The following C6 variants were observed in gnomAD, a reference collection of about 807,000 sequenced individuals.
The protein encoded by C6 is complement C6.
In C6, 101 loss-of-function variants were observed where a neutral mutation model predicts 112.9. That is an observed-to-expected ratio of 0.89 (90% CI 0.76 to 1.06). C6 has a LOEUF of 1.06. Ranked by LOEUF, C6 falls within the 50% of genes least tolerant of loss-of-function variation. The pLI is 0.00. For synonymous variants in C6, 431 were observed against 384.1 expected (o/e 1.12, Z -1.43); for missense variants, 1,202 against 1,104.6 (o/e 1.09, Z -1.25).
At chr5:41,175,285 T>C (rs1748744566) in intron 8 of C6, among the ~76,000 whole-genome samples, 1 of 152,212 alleles carries the variant, frequency 6.6e-6, no homozygotes, top group Admixed American at 6.5e-5. Context: ...AGAATACATC[T>C]TACTGAATAT....
At chr5:41,149,118 AT>A (rs933391512) in intron 17 of C6, 122 bp downstream of exon 17, 64 of 1,265,222 alleles carry the variant, frequency 5.1e-5, no homozygotes, top group South Asian at 7.4e-5. Flanking sequence ...CATTTTATGA[AT>A]TTTTTTTACA....
intron 1 of C6, among the ~76,000 whole-genome samples, chr5:41,223,650 T>C (rs928506827): frequency 1.3e-5 from 2 of 152,208 alleles, no homozygotes; most frequent in Non-Finnish European, 2.9e-5. Flanking sequence ...CTTAGATGTA[T>C]GAAAGATAGC....
chr5:41,178,926 T>A (rs1749092313), intron 7 of C6, among the ~76,000 whole-genome samples: 1 of 152,112 alleles, frequency 6.6e-6, no homozygotes, highest in Non-Finnish European at 1.5e-5. Context: ...CGATCTCCGC[T>A]CACTGCAACC....
At chr5:41,156,914 A>C (rs1746966311) in intron 13 of C6, among the ~76,000 whole-genome samples, 1 of 152,188 alleles carries the variant, frequency 6.6e-6, no homozygotes, top group African/African-American at 2.4e-5. Flanking sequence ...AAGTACATCT[A>C]GTAGACTGAC....
chr5:41,199,729 T>C, intron 4 of C6, 39 bp downstream of exon 4: 1 of 1,604,434 alleles, frequency 6.2e-7, no homozygotes, highest in Non-Finnish European at 8.5e-7. Flanking sequence ...AGTCAAGCTA[T>C]TTTTAGTGGG....
intron 1 of C6, among the ~76,000 whole-genome samples, chr5:41,256,429 TA>T (rs893902006): frequency 1.0e-4 from 14 of 135,808 alleles, no homozygotes; most frequent in East Asian, 8.4e-4. Context: ...AAAGTATAAT[TA>T]AAAAAAAAAA....
In C6 at chr5:41,233,347, TATTGTTACC is replaced by T. The variant is rs1740027340; in HGVS notation, c.-21+27838_-21+27846del. Among the ~76,000 whole-genome samples, 3 of 152,114 alleles carry T rather than the reference TATTGTTACC, an allele frequency of 2.0e-5. No homozygotes were observed. The South Asian group carries it at 6.2e-4, about 32-fold the overall frequency. ...ATGGATAAACAATAATGTCTTAAAC[TATTGTTACC>T]ATTGTTTCTTGATGGATATTCTACA... On this transcript the variant is annotated intron_variant, in intron 1 of 17. Coordinates refer to the C6 transcript ENST00000263413.
chr5:41,193,180 A>G (rs1750351594), intron 5 of C6, among the ~76,000 whole-genome samples: 1 of 152,190 alleles, frequency 6.6e-6, no homozygotes, highest in Admixed American at 6.5e-5. Context: ...CTATGTACTT[A>G]TGTTTGTCAC....
At chr5:41,207,968 A>C (rs1751573457) in intron 1 of C6, among the ~76,000 whole-genome samples, 1 of 152,200 alleles carries the variant, frequency 6.6e-6, no homozygotes, top group Non-Finnish European at 1.5e-5. Flanking sequence ...AATTGACCAC[A>C]GAGTTGGAAG....
chr5:41,234,117 G>A (rs1018972259), intron 1 of C6, among the ~76,000 whole-genome samples: 2 of 151,992 alleles, frequency 1.3e-5, no homozygotes, highest in African/African-American at 4.8e-5. Context: ...ATTACCTACA[G>A]AATTCTTTCC....
chr5:41,224,801 C>T (rs1359894468), intron 1 of C6, among the ~76,000 whole-genome samples: 4 of 152,066 alleles, frequency 2.6e-5, no homozygotes, highest in Non-Finnish European at 5.9e-5. Flanking sequence ...GTAGCTCTAT[C>T]TTTAACATTT....
At chr5:41,253,761 TAAAG>T (rs1206686093) in intron 1 of C6, among the ~76,000 whole-genome samples, 1 of 152,200 alleles carries the variant, frequency 6.6e-6, no homozygotes, top group Non-Finnish European at 1.5e-5. Context: ...ACATCAACAA[TAAAG>T]AAAGTGTTTT....
In C6 at chr5:41,159,174, T is replaced by G. The variant is rs747031933; in HGVS notation, c.1764A>C (p.Glu588Asp). 6.2e-7 allele frequency: 1 copy of G among 1,613,658 alleles called. No homozygotes were observed. The highest frequency in any genetic ancestry group is 8.5e-7 in the Non-Finnish European group (1 of 1,179,742). ...CTCGTTGGGGGGCAGGATTATTGCA[T>G]TCTCGGGTTCTCGATCTCTTATAAG... ...DATYKRSRTRECNNPAPQRGG... is the reference protein window; with the variant it reads ...DATYKRSRTRDCNNPAPQRGG... The change falls in exon 12 of 18, where the codon GAA becomes GAC. Residue 588 changes from glutamate to aspartate, a missense_variant. Coordinates refer to ENST00000337836, the MANE Select transcript of C6 (RefSeq NM_000065.5).
At chr5:41,228,674 A>C (rs1739683317) in intron 1 of C6, among the ~76,000 whole-genome samples, 1 of 152,162 alleles carries the variant, frequency 6.6e-6, no homozygotes, top group Non-Finnish European at 1.5e-5. Context: ...AAAGATGTTA[A>C]ATTTTGACAA....
intron 1 of C6, among the ~76,000 whole-genome samples, chr5:41,250,344 TG>T (rs1741273687): frequency 6.6e-6 from 1 of 152,194 alleles, no homozygotes; most frequent in Non-Finnish European, 1.5e-5. Context: ...ATGAGTTAGA[TG>T]ATTTCTAAGC....
Position 41,161,870 on chromosome 5 carries a change from T to C in C6, c.1292-11A>G. On this transcript the variant is annotated splice_polypyrimidine_tract_variant and intron_variant, in intron 9 of 17. Coordinates refer to ENST00000337836, the MANE Select transcript of C6 (RefSeq NM_000065.5). ...CCTGTATAAATGAACCTGCAAGGTG[T>C]TTCAATAAAAATGCCCATTTAATTT... The C allele has an allele frequency of 1.2e-6, 2 of 1,612,966 alleles. No homozygotes were observed. The highest frequency in any genetic ancestry group is 4.5e-5 in the East Asian group (2 of 44,792).
chr5:41,192,868 A>G (rs1363411872), intron 5 of C6, among the ~76,000 whole-genome samples: 2 of 152,186 alleles, frequency 1.3e-5, no homozygotes, highest in East Asian at 1.9e-4. Context: ...GTTAGGAGTC[A>G]GGTAGAAGGG....
chr5:41,152,264 T>C (rs1458476205), intron 15 of C6, among the ~76,000 whole-genome samples: 1 of 151,838 alleles, frequency 6.6e-6, no homozygotes, highest in African/African-American at 2.4e-5. Context: ...CTGAATAGCA[T>C]GTCGGTGAGG....
intron 9 of C6, among the ~76,000 whole-genome samples, chr5:41,165,840 G>A (rs912969486): frequency 1.3e-5 from 2 of 152,074 alleles, no homozygotes; most frequent in African/African-American, 4.8e-5. Flanking sequence ...ATCAACAGTG[G>A]AGCCAACACT....
Sources: gnomAD v4.1 joint callset for allele counts (sites outside exome capture counted in the v4.1 genomes callset) on GRCh38, gnomAD v4.1.1 for gene constraint, MANE v1.5 for transcripts, NCBI Gene and HGNC (gene_info 2026-07-23, HGNC 2026-07-21) for gene names.